PTPN14: variants seen among roughly 807,000 people sequenced by gnomAD.
PTPN14 encodes the protein tyrosine-protein phosphatase non-receptor type 14.
PTPN14 carries 53 observed loss-of-function variants against 126.8 expected under a neutral mutation model. That is an observed-to-expected ratio of 0.42 (90% confidence interval 0.34 to 0.53). The LOEUF is 0.53. Ranked by LOEUF, PTPN14 falls within the 20% of genes least tolerant of loss-of-function variation. The pLI, the probability that PTPN14 is intolerant of heterozygous loss-of-function variation, is 0.08. For missense variants in PTPN14, 1,257 were observed against 1,552.9 expected (o/e 0.81, Z 3.20); for synonymous variants, 630 against 599.3 (o/e 1.05, Z -0.75).
intron 5 of PTPN14, among the ~76,000 whole-genome samples, chr1:214,409,030 A>T (rs1163121470): frequency 6.6e-6 from 1 of 152,246 alleles, no homozygotes; most frequent in Non-Finnish European, 1.5e-5. Context: ...TGACACATGT[A>T]TATATTGTGG....
chr1:214,429,861 GAAGA>G (rs1434702558), intron 3 of PTPN14, among the ~76,000 whole-genome samples: 1 of 152,262 alleles, frequency 6.6e-6, no homozygotes, highest in Non-Finnish European at 1.5e-5. Context: ...GGTTTTATGA[GAAGA>G]AAGAAAAGGA....
chr1:214,367,810 G>A (rs1399518378), intron 17 of PTPN14, among the ~76,000 whole-genome samples: 2 of 152,176 alleles, frequency 1.3e-5, no homozygotes, highest in Non-Finnish European at 2.9e-5. Context: ...GATGATGACT[G>A]GCCTGTCTTT....
At chr1:214,544,276 T>A (rs984148370) in intron 1 of PTPN14, among the ~76,000 whole-genome samples, 3 of 151,664 alleles carry the variant, frequency 2.0e-5, no homozygotes, top group Non-Finnish European at 2.9e-5. Flanking sequence ...AAAAATTTTT[T>A]AAAAATTAGC....
At chr1:214,540,600 A>C (rs1226211389) in intron 1 of PTPN14, among the ~76,000 whole-genome samples, 1 of 152,168 alleles carries the variant, frequency 6.6e-6, no homozygotes, top group Non-Finnish European at 1.5e-5. Context: ...CACTCTGTAC[A>C]AGTGGTACCA....
Position 214,551,553 on chromosome 1 carries a change from C to T in PTPN14, c.-525G>A, listed in dbSNP as rs1656114967. 1 of 152,274 alleles carries T rather than the reference C, an allele frequency of 6.6e-6. No individual in the cohort carries two copies. Among genetic ancestry groups the T allele is most frequent in the Non-Finnish European group, 1.5e-5 (1 of 68,158 alleles). The allele number at this position is 152,274 out of a possible 1,614,324, so 9.4% of individuals were successfully genotyped here. A position where few individuals can be genotyped will look rare whatever the true frequency, so the allele number is the denominator to read the frequency against. ...AGCCCGGAGAAGCACAGCAACCTGC[C>T]CCCGAGTCTGCGCCCGCTGCGCTCA... On this transcript the variant is annotated 5_prime_UTR_variant, in exon 1 of 19. Transcript: ENST00000366956.
chr1:214,550,476 C>T (rs1201618131), intron 1 of PTPN14, among the ~76,000 whole-genome samples: 1 of 152,216 alleles, frequency 6.6e-6, no homozygotes, highest in Non-Finnish European at 1.5e-5. Flanking sequence ...TCACTGCTCT[C>T]TCCAAACGAA....
intron 18 of PTPN14, among the ~76,000 whole-genome samples, chr1:214,361,567 G>A (rs1009243651): frequency 1.3e-5 from 2 of 152,314 alleles, no homozygotes; most frequent in South Asian, 4.2e-4. Context: ...GCTCAATCTT[G>A]TCTAGAAGAC....
intron 1 of PTPN14, among the ~76,000 whole-genome samples, chr1:214,497,267 G>A (rs1654548862): frequency 2.0e-5 from 3 of 152,096 alleles, no homozygotes; most frequent in Admixed American, 1.3e-4. Context: ...ATAGCTGAAA[G>A]ACACACAGCT....
At chr1:214,498,345 T>A (rs1426941366) in intron 1 of PTPN14, among the ~76,000 whole-genome samples, 1 of 152,182 alleles carries the variant, frequency 6.6e-6, no homozygotes, top group Non-Finnish European at 1.5e-5. Flanking sequence ...CTATCCCAGG[T>A]CAATAAGAGC....
intron 3 of PTPN14, among the ~76,000 whole-genome samples, chr1:214,425,638 C>T (rs894677674): frequency 2.0e-5 from 3 of 152,090 alleles, no homozygotes; most frequent in East Asian, 1.9e-4. Flanking sequence ...AGAAACTTTA[C>T]GTTGTTCCTA....
chr1:214,406,437 C>T lies in PTPN14; in HGVS notation c.511-3484G>A, dbSNP rs1480532894. Among the ~76,000 whole-genome samples the T allele has an allele frequency of 6.0e-5, 9 of 150,234 alleles. No individual in the cohort carries two copies. The South Asian group carries it at 1.7e-3, about 28-fold the overall frequency. ...CGGAGGTTGCAGTGAGCTGAGATTG[C>T]GCCACCGCACTCCAGCCTGGGTGAC... On this transcript the variant is annotated intron_variant, in intron 5 of 18. Transcript: ENST00000366956.
In PTPN14 at chr1:214,384,373, G is replaced by C. The variant is rs1307790474; in HGVS notation, c.1482C>G (p.His494Gln). The C allele has an allele frequency of 5.0e-6, 8 of 1,614,126 alleles. No homozygotes were observed. Among genetic ancestry groups the C allele is most frequent in the Non-Finnish European group, 5.9e-6 (7 of 1,180,030 alleles). The change falls in exon 13 of 19, where the codon CAC becomes CAG. Residue 494 changes from histidine to glutamine, a missense_variant. Physicochemically the swap from His to Gln is conservative, Grantham distance 24. Transcript: ENST00000366956. This position sits in a 1 kb window ranked among gnomAD's most constrained non-coding sequence, Gnocchi z 5.3. ...VYSQPEMRER[H>Q]PYTVPYGPQG... is the part of the protein sequence containing the mutation. ...GTGGCCCATAAGGGACAGTGTAGGGGTGCCTCTCCCGCATCTCCGGTTGGC... is the reference window on the plus strand; with the variant it reads ...GTGGCCCATAAGGGACAGTGTAGGGCTGCCTCTCCCGCATCTCCGGTTGGC...
In PTPN14 at chr1:214,383,644, C is replaced by T. The variant is rs761080524; in HGVS notation, c.2211G>A (p.Leu737=). 2 of 1,613,280 alleles carry T rather than the reference C, an allele frequency of 1.2e-6. No individual in the cohort carries two copies. The highest frequency in any genetic ancestry group is 2.7e-5 in the African/African-American group (2 of 74,958). The change falls in exon 13 of 19, where the codon CTG becomes CTA. Residue 737 remains leucine (L), a synonymous_variant. Transcript: ENST00000366956. The surrounding 1 kb of genome is among the most constrained non-coding windows in gnomAD (Gnocchi z 4.4). ...TGGGGATGCGGGCCAGGGCCGCCTG[C>T]AGCTGGGCACTGTACTCCATCTTCT... is the stretch of plus-strand genomic sequence containing the variant. ...LREKMEYSAQ[L]QAALARIPNK... is the part of the protein sequence containing the mutation.
At chr1:214,515,533 G>C (rs1655078631) in intron 1 of PTPN14, among the ~76,000 whole-genome samples, 1 of 152,078 alleles carries the variant, frequency 6.6e-6, no homozygotes, top group Admixed American at 6.5e-5. Flanking sequence ...AGATTGCACT[G>C]AATCTATATA....
At chr1:214,457,289 C>T (rs964752024) in intron 2 of PTPN14, among the ~76,000 whole-genome samples, 2 of 152,210 alleles carry the variant, frequency 1.3e-5, no homozygotes, top group African/African-American at 4.8e-5. Context: ...AGGATAAGGA[C>T]TTACTCTTTG....
intron 3 of PTPN14, among the ~76,000 whole-genome samples, chr1:214,447,688 G>T (rs1660177557): frequency 6.6e-6 from 1 of 151,992 alleles, no homozygotes; most frequent in African/African-American, 2.4e-5. Flanking sequence ...TTTCTGCAAT[G>T]CTGCAAACAT....
chr1:214,364,485 TC>T lies in PTPN14; in HGVS notation c.3435+26del. Reference sequence around the variant, plus strand: ...GTAGACTTGTCCCCAAGGTGGAGTATCCGGAGAGAAGCCCAGAATGACTCAC... The same window carrying T: ...GTAGACTTGTCCCCAAGGTGGAGTATCGGAGAGAAGCCCAGAATGACTCAC... On this transcript the variant is annotated intron_variant, in intron 18 of 18. Transcript: ENST00000366956. The surrounding 1 kb of genome is among the most constrained non-coding windows in gnomAD (Gnocchi z 4.1). The T allele has an allele frequency of 3.7e-6, 6 of 1,609,202 alleles. No homozygotes were observed. The Middle Eastern group carries it at 9.9e-4, about 267-fold the overall frequency.
intron 3 of PTPN14, among the ~76,000 whole-genome samples, chr1:214,441,354 T>G (rs1328151488): frequency 6.6e-6 from 1 of 152,184 alleles, no homozygotes; most frequent in Non-Finnish European, 1.5e-5. Context: ...AACTATAATA[T>G]CCTCAGGCTG....
chr1:214,403,503 G>A (rs895292313), intron 5 of PTPN14, among the ~76,000 whole-genome samples: 2 of 152,138 alleles, frequency 1.3e-5, no homozygotes, highest in Non-Finnish European at 1.5e-5. Flanking sequence ...GCTCTGTAAG[G>A]CAACAGTTGC....
Sources: allele counts gnomAD v4.1 joint callset (sites outside exome capture counted in the v4.1 genomes callset), GRCh38; gene constraint gnomAD v4.1.1; non-coding constraint Gnocchi (gnomAD v3.1); transcripts MANE v1.5; gene names NCBI Gene and HGNC (gene_info 2026-07-23, HGNC 2026-07-21).